Variants in ACSS3 observed in about 807,000 individuals in gnomAD.
ACSS3 encodes acyl-CoA synthetase short chain family member 3, also known as acyl-CoA synthetase short-chain family member 3, mitochondrial.
ACSS3 carries 64 observed loss-of-function variants against 84.2 expected under a neutral mutation model. The observed-to-expected ratio is 0.76, with a 90% CI of 0.62 to 0.94. The LOEUF (loss-of-function observed/expected upper bound fraction) is 0.94, where lower values mean the gene tolerates loss of function less well. Ranked by LOEUF, ACSS3 falls within the 40% of genes least tolerant of loss-of-function variation. The pLI, the probability that ACSS3 is intolerant of heterozygous loss-of-function variation, is 0.00. For synonymous variants in ACSS3, 317 were observed against 310.1 expected, an observed-to-expected ratio of 1.02 and a Z score of -0.23; for missense variants, 815 against 867.6, an observed-to-expected ratio of 0.94 and a Z score of 0.76.
chr12:81,199,530 C>A, intron 9 of ACSS3, 86 bp downstream of exon 9: 1 of 1,476,636 alleles, frequency 6.8e-7, no homozygotes, highest in Non-Finnish European at 9.3e-7. Flanking sequence ...GAGCTACGAC[C>A]AGCAGATCAG....
intron 1 of ACSS3, among the ~76,000 whole-genome samples, chr12:81,086,905 A>G (rs1219121279): frequency 6.6e-6 from 1 of 152,162 alleles, no homozygotes. Context: ...AGTATATGTG[A>G]ATGTGGAGCT....
chr12:81,252,326 A>G (rs1158944005), intron 13 of ACSS3, among the ~76,000 whole-genome samples: 1 of 152,124 alleles, frequency 6.6e-6, no homozygotes, highest in Non-Finnish European at 1.5e-5. Flanking sequence ...CCACTACTAG[A>G]CTGAAAGCAT....
At chr12:81,165,130 T>TA (rs1478225047) in intron 7 of ACSS3, among the ~76,000 whole-genome samples, 1 of 152,122 alleles carries the variant, frequency 6.6e-6, no homozygotes, top group Non-Finnish European at 1.5e-5. Context: ...GACTAGTTGT[T>TA]AAAAAAATAT....
chr12:81,228,118 G>A (rs2033332340), intron 11 of ACSS3, among the ~76,000 whole-genome samples: 1 of 151,816 alleles, frequency 6.6e-6, no homozygotes, highest in Non-Finnish European at 1.5e-5. Context: ...TTTTACCACT[G>A]AAGTACATTT....
chr12:81,233,062 A>G (rs1226257401), intron 12 of ACSS3, among the ~76,000 whole-genome samples: 1 of 151,726 alleles, frequency 6.6e-6, no homozygotes, highest in Non-Finnish European at 1.5e-5. Context: ...TTGAGCTATT[A>G]CTTCTCCATT....
chr12:81,251,152 T>C (rs968006576), intron 13 of ACSS3, among the ~76,000 whole-genome samples: 3 of 152,154 alleles, frequency 2.0e-5, no homozygotes, highest in Non-Finnish European at 4.4e-5. Flanking sequence ...ACTGAGTGAT[T>C]CCAATTATAA....
chr12:81,225,429 G>A (rs907056571), intron 11 of ACSS3, among the ~76,000 whole-genome samples: 1 of 148,774 alleles, frequency 6.7e-6, no homozygotes, highest in East Asian at 1.9e-4. Flanking sequence ...CTGATCCTCA[G>A]TTAGACTTGT....
chr12:81,208,333 C>A (rs139993291), intron 9 of ACSS3, among the ~76,000 whole-genome samples: 1 of 152,112 alleles, frequency 6.6e-6, no homozygotes, highest in Non-Finnish European at 1.5e-5. Flanking sequence ...CCAGATGCAG[C>A]GGGAGCTCTG....
In ACSS3 at chr12:81,256,469, A is replaced by G. The variant is rs1039977941; in HGVS notation, c.*1547A>G. The stretch of plus-strand genomic sequence containing the variant: ...AAATATTTGATTTACTTAGGGATCT[A>G]TATGACATCAGTTATCAAAGAATAC... On this transcript the variant is annotated 3_prime_UTR_variant, in exon 16 of 16. Coordinates refer to ENST00000548058, the MANE Select transcript of ACSS3 (RefSeq NM_024560.4). 1 of 152,192 alleles carries G rather than the reference A, an allele frequency of 6.6e-6. No individual in the cohort carries two copies. The highest frequency in any genetic ancestry group is 1.5e-5 in the Non-Finnish European group (1 of 68,032). The allele number at this position is 152,192 out of a possible 1,614,324, so 9.4% of individuals were successfully genotyped here. A position where few individuals can be genotyped will look rare whatever the true frequency, so the allele number is the denominator to read the frequency against.
At chr12:81,221,687 G>C (rs1331316657) in intron 11 of ACSS3, among the ~76,000 whole-genome samples, 1 of 152,040 alleles carries the variant, frequency 6.6e-6, no homozygotes, top group Non-Finnish European at 1.5e-5. Context: ...GCCAGAATCT[G>C]TGTTAACATA....
intron 13 of ACSS3, among the ~76,000 whole-genome samples, chr12:81,251,128 T>C (rs1013968079): frequency 6.6e-6 from 1 of 152,128 alleles, no homozygotes; most frequent in Non-Finnish European, 1.5e-5. Context: ...GAAGCTAATC[T>C]GAAAAGGCTA....
chr12:81,192,647 C>T (rs1374294206), intron 8 of ACSS3, among the ~76,000 whole-genome samples: 1 of 152,082 alleles, frequency 6.6e-6, no homozygotes, highest in Non-Finnish European at 1.5e-5. Flanking sequence ...TTTATGTCAC[C>T]TTTTTTCCAT....
intron 7 of ACSS3, among the ~76,000 whole-genome samples, chr12:81,172,093 C>A (rs912414328): frequency 6.6e-6 from 1 of 151,812 alleles, no homozygotes; most frequent in African/African-American, 2.4e-5. Flanking sequence ...ATGGTGAAAC[C>A]CAGTCTCTAC....
chr12:81,170,379 G>A (rs1337761320), intron 7 of ACSS3, among the ~76,000 whole-genome samples: 1 of 152,070 alleles, frequency 6.6e-6, no homozygotes, highest in Non-Finnish European at 1.5e-5. Context: ...TGGTTTCTGT[G>A]CTTTGTACCA....
intron 11 of ACSS3, among the ~76,000 whole-genome samples, chr12:81,225,183 T>C (rs2033232076): frequency 6.6e-6 from 1 of 151,860 alleles, no homozygotes; most frequent in Non-Finnish European, 1.5e-5. Context: ...TGTTTCTGTA[T>C]GTGTGTGTCT....
At chr12:81,145,045 C>T (rs193000479) in intron 5 of ACSS3, among the ~76,000 whole-genome samples, 50 of 147,882 alleles carry the variant, frequency 3.4e-4, no homozygotes, top group African/African-American at 1.2e-3. Context: ...GGACTACAGG[C>T]GCCCGCCACC....
chr12:81,252,003 C>T (rs2136016647), intron 13 of ACSS3, among the ~76,000 whole-genome samples: 1 of 152,262 alleles, frequency 6.6e-6, no homozygotes, highest in African/African-American at 2.4e-5. Flanking sequence ...GTAACTCCAT[C>T]TCCTCCATTC....
chr12:81,205,106 A>G (rs2032289048), intron 9 of ACSS3, among the ~76,000 whole-genome samples: 1 of 152,136 alleles, frequency 6.6e-6, no homozygotes, highest in South Asian at 2.1e-4. Context: ...TGAAGTAATT[A>G]TAGTCTATAT....
chr12:81,145,201 C>G (rs1378585362), intron 5 of ACSS3, among the ~76,000 whole-genome samples: 2 of 151,418 alleles, frequency 1.3e-5, no homozygotes, highest in Non-Finnish European at 2.9e-5. Context: ...CAGGCATGAG[C>G]CACTGCGCCC....
Sources: allele counts gnomAD v4.1 joint callset (sites outside exome capture counted in the v4.1 genomes callset), GRCh38; gene constraint gnomAD v4.1.1; transcripts MANE v1.5; gene names NCBI Gene and HGNC (gene_info 2026-07-23, HGNC 2026-07-21).